The following DENND1A variants were observed in gnomAD, a reference collection of about 807,000 sequenced individuals.
DENND1A encodes DENN domain containing 1A.
In DENND1A, 51 loss-of-function variants were observed where a neutral mutation model predicts 113.7. The ratio of observed to expected loss-of-function variants is 0.45; its 90% CI spans 0.36 to 0.57. The LOEUF (loss-of-function observed/expected upper bound fraction) is 0.57, where lower values mean the gene tolerates loss of function less well. DENND1A is among the 20% of genes least tolerant of loss of function. DENND1A has a pLI of 0.00. For synonymous variants in DENND1A, 565 were observed against 570.8 expected, an observed-to-expected ratio of 0.99 and a Z score of 0.14; for missense variants, 1,258 against 1,395.9, an observed-to-expected ratio of 0.90 and a Z score of 1.57.
chr9:123,389,686 G>A (rs2042741326), intron 21 of DENND1A, among the ~76,000 whole-genome samples: 1 of 152,264 alleles, frequency 6.6e-6, no homozygotes, highest in Admixed American at 6.5e-5. Context: ...GGTATGGTGA[G>A]TAAATAAATC....
At chr9:123,503,851 G>A (rs546341122) in intron 13 of DENND1A, among the ~76,000 whole-genome samples, 4 of 152,188 alleles carry the variant, frequency 2.6e-5, no homozygotes, top group African/African-American at 9.7e-5. Flanking sequence ...AGACACACTG[G>A]GTTAAGCCAA....
In DENND1A at chr9:123,917,150, C is replaced by T. The variant is rs74309564; in HGVS notation, c.17+12739G>A. On this transcript the variant is annotated intron_variant, in intron 1 of 23. Transcript: ENST00000394215. Reference sequence around the variant, plus strand: ...AGTGAGCCGAAATCGTGCCACTGCACTCCAGCCCAGGCGACCGAGCAAGAC... The same window carrying T: ...AGTGAGCCGAAATCGTGCCACTGCATTCCAGCCCAGGCGACCGAGCAAGAC... 1.4e-4 allele frequency among the ~76,000 whole-genome samples: 22 copies of T among 152,168 alleles called. No individual in the cohort carries two copies. The East Asian group carries it at 3.5e-3, about 24-fold the overall frequency.
At chr9:123,552,006 A>AGAGAGC (rs1165564792) in intron 13 of DENND1A, among the ~76,000 whole-genome samples, 6 of 146,506 alleles carry the variant, frequency 4.1e-5, no homozygotes, top group South Asian at 2.2e-4. Context: ...AGAGAGCGAG[A>AGAGAGC]GAGAGCGAGA....
chr9:123,699,660 T>A (rs1003868591), intron 5 of DENND1A, among the ~76,000 whole-genome samples: 1 of 151,452 alleles, frequency 6.6e-6, no homozygotes, highest in African/African-American at 2.4e-5. Context: ...CGACATTTTT[T>A]AATAGACTAC....
At chr9:123,593,433 T>C (rs1485137120) in intron 11 of DENND1A, among the ~76,000 whole-genome samples, 1 of 152,136 alleles carries the variant, frequency 6.6e-6, no homozygotes, top group Non-Finnish European at 1.5e-5. Context: ...AGAGCAGTAA[T>C]GGGACCTCCA....
At chr9:123,474,429 A>G (rs908775169) in intron 13 of DENND1A, among the ~76,000 whole-genome samples, 1 of 149,828 alleles carries the variant, frequency 6.7e-6, no homozygotes, top group Non-Finnish European at 1.5e-5. Flanking sequence ...TTTTTAAGCA[A>G]AAAGTTTAAA....
chr9:123,629,424 A>T (rs1161747146), intron 10 of DENND1A, among the ~76,000 whole-genome samples: 3 of 152,222 alleles, frequency 2.0e-5, no homozygotes, highest in African/African-American at 7.2e-5. Context: ...CAAATCGGTC[A>T]CAAAGACAGT....
chr9:123,541,507 A>G (rs1439715356), intron 13 of DENND1A, among the ~76,000 whole-genome samples: 2 of 152,254 alleles, frequency 1.3e-5, no homozygotes, highest in African/African-American at 2.4e-5. Flanking sequence ...GAGAGTGAAC[A>G]TTCCTCGCAG....
intron 13 of DENND1A, among the ~76,000 whole-genome samples, chr9:123,493,771 C>T (rs868524375): frequency 6.6e-6 from 1 of 152,184 alleles, no homozygotes; most frequent in South Asian, 2.1e-4. Context: ...CACTCAGGGA[C>T]TACGAGTGGA....
intron 1 of DENND1A, among the ~76,000 whole-genome samples, chr9:123,913,628 G>A (rs189640976): frequency 3.9e-5 from 6 of 152,252 alleles, no homozygotes; most frequent in South Asian, 2.1e-4. Context: ...AAATCCGACC[G>A]GGCATGGTGG....
chr9:123,903,822 C>A (rs1001311110), intron 1 of DENND1A, among the ~76,000 whole-genome samples: 10 of 152,174 alleles, frequency 6.6e-5, no homozygotes, highest in South Asian at 6.2e-4. Flanking sequence ...CCCAGGCTTG[C>A]TTAGGTAAAC....
intron 4 of DENND1A, among the ~76,000 whole-genome samples, chr9:123,765,187 T>C (rs950442116): frequency 2.6e-5 from 4 of 152,186 alleles, no homozygotes; most frequent in African/African-American, 9.7e-5. Flanking sequence ...ACTTATGCTG[T>C]GATGGATCTT....
chr9:123,678,599 TAATA>T (rs1037936289), intron 5 of DENND1A, among the ~76,000 whole-genome samples: 23 of 152,212 alleles, frequency 1.5e-4, no homozygotes, highest in Admixed American at 6.5e-4. Context: ...CCACTGAGGG[TAATA>T]AATGAAGTGA....
chr9:123,391,702 A>C (rs2042852824), intron 21 of DENND1A, among the ~76,000 whole-genome samples: 1 of 149,630 alleles, frequency 6.7e-6, no homozygotes, highest in South Asian at 2.1e-4. Context: ...GTCAGAGATA[A>C]AGGATGAACC....
At chr9:123,491,360 C>T (rs1163442217) in intron 13 of DENND1A, among the ~76,000 whole-genome samples, 1 of 152,198 alleles carries the variant, frequency 6.6e-6, no homozygotes, top group African/African-American at 2.4e-5. Flanking sequence ...AGCCAACAAA[C>T]CAGAATGTAC....
chr9:123,520,302 CAA>C (rs1564641330), intron 13 of DENND1A, among the ~76,000 whole-genome samples: 1 of 151,622 alleles, frequency 6.6e-6, no homozygotes, highest in Admixed American at 6.6e-5. Context: ...ACTAAAAGTA[CAA>C]AAAAATTAGC....
At chr9:123,554,690 T>C (rs1336928705) in intron 13 of DENND1A, among the ~76,000 whole-genome samples, 5 of 152,226 alleles carry the variant, frequency 3.3e-5, no homozygotes, top group Non-Finnish European at 5.9e-5. Flanking sequence ...CCATATTTCA[T>C]TGATTCTAAG....
At chr9:123,553,877 C>T (rs547117976) in intron 13 of DENND1A, among the ~76,000 whole-genome samples, 1 of 152,232 alleles carries the variant, frequency 6.6e-6, no homozygotes, top group South Asian at 2.1e-4. Flanking sequence ...CCTGCCTCAG[C>T]CTCCTGAGTA....
intron 8 of DENND1A, among the ~76,000 whole-genome samples, chr9:123,657,555 T>A (rs1055931574): frequency 6.6e-6 from 1 of 152,170 alleles, no homozygotes; most frequent in Non-Finnish European, 1.5e-5. Flanking sequence ...TCGAAACAGA[T>A]GCTAGTCCGC....
Sources: allele counts gnomAD v4.1 joint callset (sites outside exome capture counted in the v4.1 genomes callset), GRCh38; gene constraint gnomAD v4.1.1; transcripts MANE v1.5; gene names NCBI Gene and HGNC (gene_info 2026-07-23, HGNC 2026-07-21).